TENM3: variants seen among roughly 807,000 people sequenced by gnomAD.
The protein encoded by TENM3 is teneurin-3.
Under a neutral mutation model 255.1 loss-of-function variants are expected in TENM3, and 63 were observed. The observed-to-expected ratio is 0.25, with a 90% confidence interval of 0.20 to 0.30. The LOEUF is 0.30. TENM3 is among the 10% of genes least tolerant of loss of function. The pLI is 1.00. For missense variants in TENM3, 2,929 were observed against 3,461.1 expected (o/e 0.85, Z 3.86); for synonymous variants, 1,306 against 1,322.3 (o/e 0.99, Z 0.27).
intron 12 of TENM3, among the ~76,000 whole-genome samples, chr4:182,690,029 C>T (rs1011393858): frequency 7.2e-5 from 11 of 152,204 alleles, no homozygotes; most frequent in Admixed American, 6.5e-4. Context: ...GCCACAACCA[C>T]CAAAATTCCA....
chr4:181,553,555 C>T, the TENM3 span, among the ~76,000 whole-genome samples: 72 of 151,960 alleles, frequency 4.7e-4, no homozygotes, highest in African/African-American at 1.6e-3. Flanking sequence ...CATTCTCCTG[C>T]CTCAGCCTCC....
chr4:181,844,843 A>C, the TENM3 span, among the ~76,000 whole-genome samples: 3 of 152,154 alleles, frequency 2.0e-5, no homozygotes, highest in Non-Finnish European at 4.4e-5. Flanking sequence ...GTCCATAAAA[A>C]CGCATTTAAA....
intron 6 of TENM3, among the ~76,000 whole-genome samples, chr4:182,654,992 A>G (rs1056469734): frequency 6.6e-6 from 1 of 152,186 alleles, no homozygotes; most frequent in Non-Finnish European, 1.5e-5. Flanking sequence ...AAAGTTCTGC[A>G]TGTTCCAGAA....
chr4:181,743,225 G>T, the TENM3 span, among the ~76,000 whole-genome samples: 1 of 152,084 alleles, frequency 6.6e-6, no homozygotes, highest in Non-Finnish European at 1.5e-5. Context: ...TGGTATTTTA[G>T]TTCTAGATCC....
chr4:181,678,042 G>A, the TENM3 span, among the ~76,000 whole-genome samples: 1 of 151,998 alleles, frequency 6.6e-6, no homozygotes, highest in Admixed American at 6.6e-5. Flanking sequence ...TTATTTTAGC[G>A]ATTATTTTTT....
At position 182,780,469 on chromosome 4, in the gene TENM3, T is replaced by G. The variant is rs534264993; in HGVS notation, c.5304+5316T>G. 1.4e-3 allele frequency among the ~76,000 whole-genome samples: 149 copies of G among 107,992 alleles called. 2 individuals are homozygous for G. The highest frequency in any genetic ancestry group is 5.6e-3 in the African/African-American group (141 of 25,202). 70.8% of individuals were successfully genotyped at this position (107,992 alleles called of 152,430 possible). A position where few individuals can be genotyped will look rare whatever the true frequency, so the allele number is the denominator to read the frequency against. On this transcript the variant is annotated intron_variant, in intron 24 of 27. Coordinates refer to ENST00000511685, the MANE Select transcript of TENM3 (RefSeq NM_001080477.4). ...TTTTGGTTACTGTAGCCTTGTAGTATAGTTTGAAGTCAGGTAGTGTGATGC... is the reference window on the plus strand; with the variant it reads ...TTTTGGTTACTGTAGCCTTGTAGTAGAGTTTGAAGTCAGGTAGTGTGATGC...
intron 22 of TENM3, among the ~76,000 whole-genome samples, chr4:182,760,959 C>T (rs892446634): frequency 5.3e-5 from 8 of 152,220 alleles, no homozygotes; most frequent in South Asian, 2.1e-4. Context: ...TGCAGGAAAA[C>T]GCAATGATAA....
chr4:181,898,802 A>G, the TENM3 span, among the ~76,000 whole-genome samples: 1 of 152,098 alleles, frequency 6.6e-6, no homozygotes, highest in African/African-American at 2.4e-5. Context: ...ATATTTCAAA[A>G]TTTTTACCAT....
At chr4:181,459,824 T>C in the TENM3 span, among the ~76,000 whole-genome samples, 1 of 151,962 alleles carries the variant, frequency 6.6e-6, no homozygotes, top group Non-Finnish European at 1.5e-5. Flanking sequence ...TATATAAGTT[T>C]TAGAATCTTC....
intron 3 of TENM3, among the ~76,000 whole-genome samples, chr4:182,394,629 A>G (rs752659573): frequency 1.3e-5 from 2 of 152,190 alleles, no homozygotes; most frequent in African/African-American, 2.4e-5. Context: ...TTTATTTTCC[A>G]TAGACACTGA....
the TENM3 span, among the ~76,000 whole-genome samples, chr4:181,756,186 C>A: frequency 6.6e-6 from 1 of 152,090 alleles, no homozygotes; most frequent in Admixed American, 6.6e-5. Context: ...TTCCCATATG[C>A]TTTGTCTAAT....
chr4:182,020,782 C>G, the TENM3 span, among the ~76,000 whole-genome samples: 2 of 152,318 alleles, frequency 1.3e-5, no homozygotes, highest in East Asian at 3.9e-4. Context: ...CCATCACTCC[C>G]AGGACAATAC....
intron 3 of TENM3, among the ~76,000 whole-genome samples, chr4:182,485,509 A>G (rs915685912): frequency 1.3e-5 from 2 of 152,192 alleles, no homozygotes; most frequent in African/African-American, 2.4e-5. Flanking sequence ...TTTGTCTCAC[A>G]TACTGTATGT....
At chr4:182,523,259 C>T (rs1189407407) in intron 3 of TENM3, among the ~76,000 whole-genome samples, 1 of 151,962 alleles carries the variant, frequency 6.6e-6, no homozygotes, top group Non-Finnish European at 1.5e-5. Context: ...ATTGAGACCT[C>T]CACTTCCAGT....
At chr4:182,477,427 C>T (rs1733781474) in intron 3 of TENM3, among the ~76,000 whole-genome samples, 1 of 152,156 alleles carries the variant, frequency 6.6e-6, no homozygotes, top group African/African-American at 2.4e-5. Flanking sequence ...TGGTTTACAC[C>T]ATGTGAAAGC....
chr4:182,306,159 A>G (rs1762119230), intron 1 of TENM3, among the ~76,000 whole-genome samples: 1 of 151,706 alleles, frequency 6.6e-6, no homozygotes, highest in South Asian at 2.1e-4. Flanking sequence ...ATGATAGTGA[A>G]CCATACTTAC....
intron 1 of TENM3, among the ~76,000 whole-genome samples, chr4:182,198,104 CA>C (rs987555538): frequency 6.7e-6 from 1 of 150,328 alleles, no homozygotes; most frequent in Non-Finnish European, 1.5e-5. Context: ...GACTCCATCT[CA>C]AAAAAAATAA....
At chr4:182,193,315 G>GC (rs1255758624) in intron 1 of TENM3, among the ~76,000 whole-genome samples, 1 of 152,080 alleles carries the variant, frequency 6.6e-6, no homozygotes, top group Non-Finnish European at 1.5e-5. Flanking sequence ...CCTCTCCTTT[G>GC]CCCGTTATAT....
chr4:181,768,508 C>T, the TENM3 span, among the ~76,000 whole-genome samples: 1 of 152,150 alleles, frequency 6.6e-6, no homozygotes, highest in East Asian at 1.9e-4. Context: ...GGCAAAATTG[C>T]AATTATTCAA....
Sources: gnomAD v4.1 joint callset for allele counts (sites outside exome capture counted in the v4.1 genomes callset) on GRCh38, gnomAD v4.1.1 for gene constraint, MANE v1.5 for transcripts, NCBI Gene and HGNC (gene_info 2026-07-23, HGNC 2026-07-21) for gene names.